Variants in COL12A1 observed in about 807,000 individuals in gnomAD.
COL12A1 encodes the protein collagen type XII alpha 1 chain.
In COL12A1, 114 loss-of-function variants were observed where a neutral mutation model predicts 349.7. That is an observed-to-expected ratio of 0.33 (90% CI 0.28 to 0.38). COL12A1 has a LOEUF of 0.38. COL12A1 is among the 10% of genes least tolerant of loss of function. The pLI is 1.00. For synonymous variants in COL12A1, 1,369 were observed against 1,329.0 expected, an observed-to-expected ratio of 1.03 and a Z score of -0.66; for missense variants, 3,284 against 3,756.9, an observed-to-expected ratio of 0.87 and a Z score of 3.29.
intron 3 of COL12A1, among the ~76,000 whole-genome samples, chr6:75,192,623 C>G (rs1035539141): frequency 1.3e-5 from 2 of 151,932 alleles, no homozygotes; most frequent in Non-Finnish European, 2.9e-5. Context: ...AAAGGTATAC[C>G]AGAATATCGA....
chr6:75,199,909 C>T (rs1237856182), intron 2 of COL12A1, among the ~76,000 whole-genome samples: 1 of 151,960 alleles, frequency 6.6e-6, no homozygotes, highest in Non-Finnish European at 1.5e-5. Context: ...AATACCAAAA[C>T]ATTTTAATGT....
intron 14 of COL12A1, 49 bp from the exon 15 acceptor site, chr6:75,156,572 G>A (rs569404389): frequency 9.7e-6 from 15 of 1,548,632 alleles, no homozygotes; most frequent in Non-Finnish European, 1.3e-5. Flanking sequence ...GAAAAAAAAT[G>A]TATGTCCACC....
chr6:75,125,108 G>T lies in COL12A1; in HGVS notation c.6607+19C>A. The stretch of plus-strand genomic sequence containing the variant: ...CTACTACAGTTTTTCTCACAACCAT[G>T]AAAATATCCATGACTCACATGTAGT... On this transcript the variant is annotated intron_variant, in intron 40 of 65. Coordinates refer to ENST00000322507, the MANE Select transcript of COL12A1 (RefSeq NM_004370.6). 1 of 1,559,562 alleles carries T rather than the reference G, an allele frequency of 6.4e-7. No homozygotes were observed. The highest frequency in any genetic ancestry group is 8.7e-7 in the Non-Finnish European group (1 of 1,153,092).
intron 25 of COL12A1, among the ~76,000 whole-genome samples, chr6:75,144,547 A>G (rs1223618540): frequency 6.6e-6 from 1 of 152,146 alleles, no homozygotes; most frequent in East Asian, 1.9e-4. Context: ...CAGCATGTCA[A>G]TCTCCCCAAG....
chr6:75,188,672 T>C (rs1769761015), intron 7 of COL12A1, 137 bp from the exon 8 acceptor site: 7 of 972,694 alleles, frequency 7.2e-6, no homozygotes, highest in Non-Finnish European at 1.1e-5. Flanking sequence ...AATTGCTTTG[T>C]TTCATAACAG....
intron 13 of COL12A1, among the ~76,000 whole-genome samples, chr6:75,172,317 C>T (rs1036523834): frequency 2.0e-5 from 3 of 152,094 alleles, no homozygotes; most frequent in African/African-American, 7.2e-5. Context: ...ATATATTATT[C>T]TTGGCAAAAA....
At chr6:75,144,790 A>G (rs1767093676) in intron 25 of COL12A1, among the ~76,000 whole-genome samples, 1 of 152,260 alleles carries the variant, frequency 6.6e-6, no homozygotes, top group Admixed American at 6.5e-5. Flanking sequence ...TGACTGGCAT[A>G]TAATAGGGGA....
At chr6:75,102,439 G>A (rs552809621) in intron 56 of COL12A1, among the ~76,000 whole-genome samples, 158 bp downstream of exon 56, 6 of 151,198 alleles carry the variant, frequency 4.0e-5, no homozygotes, top group African/African-American at 9.7e-5. Context: ...GTCTATTTAC[G>A]TATCTAAAAT....
intron 23 of COL12A1, among the ~76,000 whole-genome samples, chr6:75,146,510 G>T: frequency 6.6e-6 from 1 of 152,250 alleles, no homozygotes; most frequent in Non-Finnish European, 1.5e-5. Context: ...ATTCCAGTGA[G>T]TCTCTACAAT....
intron 40 of COL12A1, 70 bp downstream of exon 40, chr6:75,125,057 A>G (rs1401216981): frequency 3.5e-6 from 5 of 1,435,970 alleles, no homozygotes; most frequent in Non-Finnish European, 4.6e-6. Flanking sequence ...GAAACAGGAA[A>G]TTAAAACAGG....
chr6:75,140,681 A>G lies in COL12A1; in HGVS notation c.4957+1351T>C, dbSNP rs533576262. 2.7e-5 allele frequency among the ~76,000 whole-genome samples: 4 copies of G among 149,614 alleles called. No individual in the cohort carries two copies. The East Asian group carries it at 7.8e-4, about 29-fold the overall frequency. ...AAAAAAAAAAAAAAAAAAAAAAAGC[A>G]GGTTATAACATTTGACAAGATGCCC... On this transcript the variant is annotated intron_variant, in intron 27 of 65. Transcript: ENST00000322507.
intron 26 of COL12A1, among the ~76,000 whole-genome samples, chr6:75,142,706 C>G (rs1766962774): frequency 6.6e-6 from 1 of 152,180 alleles, no homozygotes; most frequent in South Asian, 2.1e-4. Context: ...CCCTCAAGCA[C>G]ACACAAGTTT....
intron 37 of COL12A1, among the ~76,000 whole-genome samples, 155 bp downstream of exon 37, chr6:75,129,936 A>G (rs1766218234): frequency 6.6e-6 from 1 of 152,206 alleles, no homozygotes; most frequent in Non-Finnish European, 1.5e-5. Flanking sequence ...CTAAGTAAGC[A>G]CATTTGGGTG....
At chr6:75,154,308 T>C in intron 17 of COL12A1, 108 bp downstream of exon 17, 1 of 1,257,310 alleles carries the variant, frequency 8.0e-7, no homozygotes. Context: ...AAATAAATTT[T>C]AGTGTAAAAT....
chr6:75,133,934 C>A lies in COL12A1; in HGVS notation c.5588G>T (p.Arg1863Leu), dbSNP rs377417661. The change falls in exon 33 of 66, where the codon CGC (arginine) becomes CTC (leucine). Residue 1863 changes from arginine to leucine, a missense_variant. Arg to Leu is a moderately radical substitution (Grantham distance 102). Coordinates refer to ENST00000322507, the MANE Select transcript of COL12A1 (RefSeq NM_004370.6). Reference protein sequence around the residue: ...YDPSTSTLNVRWDHAEGNPRQ... With the variant: ...YDPSTSTLNVLWDHAEGNPRQ... ...AGGATTTCCCTCTGCATGGTCCCAG[C>A]GGACATTCAAGGTGCTGGTAGAAGG... 51 of 1,613,950 alleles carry A rather than the reference C, an allele frequency of 3.2e-5. No homozygotes were observed. The highest frequency in any genetic ancestry group is 4.2e-5 in the Non-Finnish European group (50 of 1,179,986).
chr6:75,156,149 C>G, intron 15 of COL12A1, 108 bp downstream of exon 15: 1 of 1,330,264 alleles, frequency 7.5e-7, no homozygotes, highest in Non-Finnish European at 1.0e-6. Context: ...TATAATTTAA[C>G]TTATTACGGA....
chr6:75,116,783 G>A (rs1462990162), intron 47 of COL12A1, among the ~76,000 whole-genome samples: 1 of 152,052 alleles, frequency 6.6e-6, no homozygotes, highest in Non-Finnish European at 1.5e-5. Context: ...CAATTATGTA[G>A]GATAAATTGC....
chr6:75,160,996 T>C (rs2149431673), intron 14 of COL12A1, among the ~76,000 whole-genome samples: 1 of 152,278 alleles, frequency 6.6e-6, no homozygotes, highest in South Asian at 2.1e-4. Context: ...TATTCACCCA[T>C]TTATTCCAGT....
chr6:75,175,389 T>A, intron 12 of COL12A1, 79 bp from the exon 13 acceptor site: 1 of 1,489,112 alleles, frequency 6.7e-7, no homozygotes, highest in Non-Finnish European at 9.0e-7. Context: ...ACTTTACTTA[T>A]GCATGTGCAC....
Sources: gnomAD v4.1 joint callset for allele counts (sites outside exome capture counted in the v4.1 genomes callset) on GRCh38, gnomAD v4.1.1 for gene constraint, MANE v1.5 for transcripts, NCBI Gene and HGNC (gene_info 2026-07-23, HGNC 2026-07-21) for gene names.